ONECUT2: variants seen among roughly 807,000 people sequenced by gnomAD.
ONECUT2 encodes one cut domain family member 2.
A neutral mutation model predicts 27.9 loss-of-function variants in ONECUT2; 10 were observed. The observed-to-expected ratio is 0.36, with a 90% CI of 0.22 to 0.61. The LOEUF (loss-of-function observed/expected upper bound fraction) is 0.61. ONECUT2 is among the 20% of genes least tolerant of loss of function. The pLI is 0.73. For synonymous variants in ONECUT2, 334 were observed against 315.1 expected, an observed-to-expected ratio of 1.06 and a Z score of -0.64; for missense variants, 686 against 721.0, an observed-to-expected ratio of 0.95 and a Z score of 0.56.
intron 1 of ONECUT2, among the ~76,000 whole-genome samples, chr18:57,462,601 CAGG>C (rs2050298219): frequency 6.6e-6 from 1 of 151,864 alleles, no homozygotes; most frequent in Non-Finnish European, 1.5e-5. Context: ...CTTTGTTGCA[CAGG>C]AGAAGTTCTT....
At chr18:57,446,020 C>T (rs987581490) in intron 1 of ONECUT2, among the ~76,000 whole-genome samples, 5 of 152,328 alleles carry the variant, frequency 3.3e-5, no homozygotes, top group African/African-American at 1.2e-4. Flanking sequence ...GAGCTCCCTG[C>T]AAAGTGCCAT....
rs975130895 is a variant in ONECUT2 at position 57,482,237 on chromosome 18, G to T, written c.*5514G>T. ...TATCAATGATTTGTTTGTTTCCAAG[G>T]TCGGGGAGGGAAAGAGGGGAGGGTT... On this transcript the variant is annotated 3_prime_UTR_variant, in exon 2 of 2. Transcript: ENST00000491143. 1 of 152,092 alleles carries T rather than the reference G, an allele frequency of 6.6e-6. No homozygotes were observed. Among genetic ancestry groups the T allele is most frequent in the African/African-American group, 2.4e-5 (1 of 41,408 alleles). The allele number at this position is 152,092 out of a possible 1,614,324, so 9.4% of individuals were successfully genotyped here.
In ONECUT2 at chr18:57,435,890, G is replaced by A. The variant is rs1232029502; in HGVS notation, c.174G>A (p.Glu58=). The part of the protein sequence containing the change: ...GGGGGGGPGH[E]QELLASPSPH... ...GCGGCGGCGGGGGCCCGGGCCATGAGCAGGAGCTGCTGGCCAGCCCCAGCC... is the reference window on the plus strand; with the variant it reads ...GCGGCGGCGGGGGCCCGGGCCATGAACAGGAGCTGCTGGCCAGCCCCAGCC... Residue 58 remains glutamate, a synonymous_variant, in exon 1 of 2, where the codon GAG becomes GAA. Transcript: ENST00000491143. 24 of 1,101,126 alleles carry A rather than the reference G, an allele frequency of 2.2e-5. No individual in the cohort carries two copies. The highest frequency in any genetic ancestry group is 4.3e-5 in the South Asian group (1 of 23,260). 68.2% of individuals were successfully genotyped at this position (1,101,126 alleles called of 1,614,324 possible).
rs780830905 is a variant in ONECUT2 at position 57,480,718 on chromosome 18, T to A, written c.*3995T>A. ...TAAATATATATGTGTATCTATACAG[T>A]TATGTATCAAAATTTTAAGCCCTGC... On this transcript the variant is annotated 3_prime_UTR_variant, in exon 2 of 2. Transcript: ENST00000491143. The A allele has an allele frequency of 4.7e-4, 71 of 152,296 alleles. No individual in the cohort carries two copies. Among genetic ancestry groups the A allele is most frequent in the Non-Finnish European group, 8.2e-4 (56 of 68,038 alleles). The allele number at this position is 152,296 out of a possible 1,614,324, so 9.4% of individuals were successfully genotyped here.
rs940506922 is a variant in ONECUT2, at chr18:57,435,934, G to A, written c.218G>A (p.Gly73Asp). Residue 73 changes from glycine to aspartate, a missense_variant, in exon 1 of 2, where the codon GGC becomes GAC. Physicochemically the swap from Gly to Asp is moderately conservative, Grantham distance 94 (BLOSUM62 -1). Around this residue, in one of 4 missense-constraint regions of ONECUT2, gnomAD observed 511 missense variants for 488.1 expected, o/e 1.05. Coordinates refer to ENST00000491143, the MANE Select transcript of ONECUT2 (RefSeq NM_004852.3). The part of the protein sequence containing the change: ...ASPSPHHAGR[G>D]AAGSLRGPPP... ...CCCAGCCCCCACCACGCGGGCCGCG[G>A]CGCCGCTGGCTCGCTGCGGGGCCCT... 5.4e-5 allele frequency: 65 copies of A among 1,193,408 alleles called. No individual in the cohort carries two copies. The highest frequency in any genetic ancestry group is 6.5e-5 in the Non-Finnish European group (63 of 965,246). The allele number at this position is 1,193,408 out of a possible 1,614,324, so 73.9% of individuals were successfully genotyped here.
rs534866299 is a variant in ONECUT2, at chr18:57,459,979, G to A, written c.1229-16458G>A. Among the ~76,000 whole-genome samples, 5 of 152,274 alleles carry A rather than the reference G, an allele frequency of 3.3e-5. No individual in the cohort carries two copies. In the South Asian group the frequency reaches 1.0e-3, roughly 32 times the overall value. ...ACTCTGTTGCCTAGGCTGAGATGCA[G>A]AGCCCCAATCATAGCTCACTGCAAC... On this transcript the variant is annotated intron_variant, in intron 1 of 1. Transcript: ENST00000491143.
intron 1 of ONECUT2, among the ~76,000 whole-genome samples, chr18:57,463,162 C>A (rs1221640579): frequency 2.0e-5 from 3 of 152,302 alleles, no homozygotes; most frequent in Middle Eastern, 3.4e-3. Flanking sequence ...CAATGCCTAT[C>A]CAGTTATTCC....
chr18:57,474,455 A>T (rs1454275231), intron 1 of ONECUT2, among the ~76,000 whole-genome samples: 1 of 152,196 alleles, frequency 6.6e-6, no homozygotes, highest in Admixed American at 6.5e-5. Flanking sequence ...ACAGTTCTGG[A>T]GGCTGGGAAG....
At chr18:57,452,627 G>C (rs899216415) in intron 1 of ONECUT2, among the ~76,000 whole-genome samples, 1 of 152,296 alleles carries the variant, frequency 6.6e-6, no homozygotes, top group East Asian at 1.9e-4. Flanking sequence ...GTTTTGCCAT[G>C]TTGGCCAGGC....
intron 1 of ONECUT2, among the ~76,000 whole-genome samples, chr18:57,462,642 A>G (rs1391062137): frequency 7.2e-6 from 1 of 139,476 alleles, no homozygotes; most frequent in Non-Finnish European, 1.5e-5. Context: ...ATATATAACT[A>G]TTTCTCTTTG....
rs1461576002 is a variant in ONECUT2 at position 57,490,897 on chromosome 18, A to C, written c.*14174A>C. The C allele has an allele frequency of 6.6e-6, 1 of 152,636 alleles. No homozygotes were observed. The highest frequency in any genetic ancestry group is 1.5e-5 in the Non-Finnish European group (1 of 68,044). 9.5% of individuals were successfully genotyped at this position (152,636 alleles called of 1,614,324 possible). A position where few individuals can be genotyped will look rare whatever the true frequency, so the allele number is the denominator to read the frequency against. Reference sequence around the variant, plus strand: ...TCTTCCGTTTTGAAAAAGAAAACCCACACACAAATGCACACTATTACCGTC... The same window carrying C: ...TCTTCCGTTTTGAAAAAGAAAACCCCCACACAAATGCACACTATTACCGTC... On this transcript the variant is annotated 3_prime_UTR_variant, in exon 2 of 2. Coordinates refer to ENST00000491143, the MANE Select transcript of ONECUT2 (RefSeq NM_004852.3).
Position 57,477,976 on chromosome 18 carries a change from A to G in ONECUT2, c.*1253A>G, listed in dbSNP as rs1028766429. The G allele has an allele frequency of 2.0e-5, 3 of 152,656 alleles. No individual in the cohort carries two copies. The highest frequency in any genetic ancestry group is 7.2e-5 in the African/African-American group (3 of 41,462). 9.5% of individuals were successfully genotyped at this position (152,656 alleles called of 1,614,324 possible). ...TCATCCTTGCAAAACAGCTGAATAC[A>G]TCTGGAGAAAACACAGCACACCAAA... is the stretch of plus-strand genomic sequence containing the variant. On this transcript the variant is annotated 3_prime_UTR_variant, in exon 2 of 2. Coordinates refer to ENST00000491143, the MANE Select transcript of ONECUT2 (RefSeq NM_004852.3).
At chr18:57,468,488 AT>A (rs1195526789) in intron 1 of ONECUT2, among the ~76,000 whole-genome samples, 1 of 152,230 alleles carries the variant, frequency 6.6e-6, no homozygotes, top group Admixed American at 6.5e-5. Context: ...CCTGCAAGGC[AT>A]CTAACTGGGA....
rs1417154153 is a variant in ONECUT2 at position 57,485,077 on chromosome 18, G to A, written c.*8354G>A. On this transcript the variant is annotated 3_prime_UTR_variant, in exon 2 of 2. Coordinates refer to ENST00000491143, the MANE Select transcript of ONECUT2 (RefSeq NM_004852.3). Reference sequence around the variant, plus strand: ...GGAAAAACATGTTGATCCCAATGATGTGATCACTTTTGAACCTTTCCATTA... The same window carrying A: ...GGAAAAACATGTTGATCCCAATGATATGATCACTTTTGAACCTTTCCATTA... 2 of 152,166 alleles carry A rather than the reference G, an allele frequency of 1.3e-5. No homozygotes were observed. The highest frequency in any genetic ancestry group is 1.3e-4 in the Admixed American group (2 of 15,274). 9.4% of individuals were successfully genotyped at this position (152,166 alleles called of 1,614,324 possible). A position where few individuals can be genotyped will look rare whatever the true frequency, so the allele number is the denominator to read the frequency against.
rs192596045 is a variant in ONECUT2 at position 57,480,822 on chromosome 18, C to G, written c.*4099C>G. ...AATAGAATTTAACCCAGTGAGTTTA[C>G]TCAAGGATTTTTAAATTTAAGTTAA... On this transcript the variant is annotated 3_prime_UTR_variant, in exon 2 of 2. Coordinates refer to ENST00000491143, the MANE Select transcript of ONECUT2 (RefSeq NM_004852.3). 2.0e-5 allele frequency: 3 copies of G among 152,200 alleles called. No homozygotes were observed. The highest frequency in any genetic ancestry group is 2.0e-4 in the Admixed American group (3 of 15,296). 9.4% of individuals were successfully genotyped at this position (152,200 alleles called of 1,614,324 possible).
At chr18:57,461,960 G>T (rs2050294398) in intron 1 of ONECUT2, among the ~76,000 whole-genome samples, 1 of 152,196 alleles carries the variant, frequency 6.6e-6, no homozygotes, top group Non-Finnish European at 1.5e-5. Flanking sequence ...AGAATTTCTG[G>T]GTCATAGGGC....
intron 1 of ONECUT2, among the ~76,000 whole-genome samples, chr18:57,467,458 C>T (rs1476408794): frequency 1.3e-5 from 2 of 152,116 alleles, no homozygotes; most frequent in African/African-American, 2.4e-5. Context: ...CTCTGCCTCC[C>T]GGGTTGAAGT....
rs924266720 is a variant in ONECUT2, at chr18:57,481,116, C to T, written c.*4393C>T. ...TTTGGTACTAGGGATATAATTATTT[C>T]ATTCCAGGAAATAATAAAAAAAAAC... On this transcript the variant is annotated 3_prime_UTR_variant, in exon 2 of 2. Coordinates refer to ENST00000491143, the MANE Select transcript of ONECUT2 (RefSeq NM_004852.3). 4 of 137,474 alleles carry T rather than the reference C, an allele frequency of 2.9e-5. No individual in the cohort carries two copies. The highest frequency in any genetic ancestry group is 1.1e-4 in the African/African-American group (4 of 35,352). 8.5% of individuals were successfully genotyped at this position (137,474 alleles called of 1,614,324 possible). A position where few individuals can be genotyped will look rare whatever the true frequency, so the allele number is the denominator to read the frequency against.
rs1052092695 is a variant in ONECUT2 at position 57,477,633 on chromosome 18, T to A, written c.*910T>A. Reference sequence around the variant, plus strand: ...TTGCAGTTTGCTACAAATTCTGTTGTACATAATGCAGACGCACACTCAGGA... The same window carrying A: ...TTGCAGTTTGCTACAAATTCTGTTGAACATAATGCAGACGCACACTCAGGA... On this transcript the variant is annotated 3_prime_UTR_variant, in exon 2 of 2. Coordinates refer to ENST00000491143, the MANE Select transcript of ONECUT2 (RefSeq NM_004852.3). 8.5e-5 allele frequency: 13 copies of A among 152,668 alleles called. No individual in the cohort carries two copies. The highest frequency in any genetic ancestry group is 3.1e-4 in the African/African-American group (13 of 41,466). The allele number at this position is 152,668 out of a possible 1,614,324, so 9.5% of individuals were successfully genotyped here.
Sources: gnomAD v4.1 joint callset for allele counts (sites outside exome capture counted in the v4.1 genomes callset) on GRCh38, gnomAD v4.1.1 for gene constraint, gnomAD v4.1.1 regional missense constraint, MANE v1.5 for transcripts, NCBI Gene and HGNC (gene_info 2026-07-23, HGNC 2026-07-21) for gene names.